The following CYP3A7 variants were observed in gnomAD, a reference collection of about 807,000 sequenced individuals.
CYP3A7 encodes the protein cytochrome P450 family 3 subfamily A member 7, also known as cytochrome P450 3A7.
Under a neutral mutation model 55.2 loss-of-function variants are expected in CYP3A7, and 45 were observed. The observed-to-expected ratio is 0.82, with a 90% CI of 0.64 to 1.05. The LOEUF (loss-of-function observed/expected upper bound fraction) is 1.05. Ranked by LOEUF, CYP3A7 falls within the 50% of genes least tolerant of loss-of-function variation. The pLI is 0.00. For missense variants in CYP3A7, 548 were observed against 605.3 expected (o/e 0.91, Z 0.99); for synonymous variants, 180 against 207.4 (o/e 0.87, Z 1.13).
intron 8 of CYP3A7, 23 bp from the exon 9 acceptor site, chr7:99,713,558 T>C: frequency 1.2e-6 from 2 of 1,613,052 alleles, no homozygotes; most frequent in Non-Finnish European, 1.7e-6. Flanking sequence ...AGAGAAATTT[T>C]ATTGACAGAA....
chr7:99,716,519 T>TA lies in CYP3A7; in HGVS notation c.522-614dup, dbSNP rs577600967. ...ATATAATGACAAATGATGTCCTGGT[T>TA]AAAAAAAACTCTCAAAATTTGATTT... On this transcript the variant is annotated intron_variant, in intron 6 of 12. Coordinates refer to ENST00000336374, the MANE Select transcript of CYP3A7 (RefSeq NM_000765.5). Among the ~76,000 whole-genome samples, 119 of 152,122 alleles carry TA rather than the reference T, an allele frequency of 7.8e-4. 1 individual carries two copies. Among genetic ancestry groups the TA allele is most frequent in the Non-Finnish European group, 1.2e-3 (83 of 67,980 alleles).
intron 9 of CYP3A7, 58 bp from the exon 10 acceptor site, chr7:99,710,950 T>G: frequency 1.9e-6 from 3 of 1,611,982 alleles, no homozygotes; most frequent in Non-Finnish European, 2.5e-6. Context: ...CATCACAGTT[T>G]AGATGAAAAG....
chr7:99,732,770 G>T lies in CYP3A7; in HGVS notation c.72-1618C>A, dbSNP rs1667406430. Among the ~76,000 whole-genome samples the T allele has an allele frequency of 3.3e-5, 5 of 152,290 alleles. No individual in the cohort carries two copies. In the South Asian group the frequency reaches 1.0e-3, roughly 32 times the overall value. ...GGAAAATGTGGTTCAAAAGTACGGTGTGTATAAATGGATCCATATGCCTCA... is the reference window on the plus strand; with the variant it reads ...GGAAAATGTGGTTCAAAAGTACGGTTTGTATAAATGGATCCATATGCCTCA... On this transcript the variant is annotated intron_variant, in intron 1 of 12. Coordinates refer to ENST00000336374, the MANE Select transcript of CYP3A7 (RefSeq NM_000765.5).
intron 2 of CYP3A7, among the ~76,000 whole-genome samples, chr7:99,724,912 C>A (rs113723247): frequency 8.5e-5 from 13 of 152,168 alleles, no homozygotes; most frequent in African/African-American, 2.9e-4. Flanking sequence ...TGACCTCCCC[C>A]CTCTCCCCAG....
At chr7:99,721,399 T>A (rs530539498) in intron 3 of CYP3A7, among the ~76,000 whole-genome samples, 1 of 152,174 alleles carries the variant, frequency 6.6e-6, no homozygotes. Flanking sequence ...AAAGTTGAAA[T>A]GAAAGAGTTT....
chr7:99,726,149 A>G (rs1814403056), intron 2 of CYP3A7, among the ~76,000 whole-genome samples: 1 of 151,428 alleles, frequency 6.6e-6, no homozygotes, highest in South Asian at 2.1e-4. Flanking sequence ...GTATCCCCCC[A>G]CCTTAACCCA....
At chr7:99,730,978 G>A (rs774965723) in intron 2 of CYP3A7, 81 bp downstream of exon 2, 24 of 1,555,220 alleles carry the variant, frequency 1.5e-5, no homozygotes, top group Non-Finnish European at 1.9e-5. Flanking sequence ...CCTTCCTCTT[G>A]AGGAGAAGCA....
intron 11 of CYP3A7, among the ~76,000 whole-genome samples, chr7:99,708,564 A>C (rs1014626636): frequency 6.6e-6 from 1 of 152,062 alleles, no homozygotes. Context: ...TAATTTACAC[A>C]GGCATATGAT....
Position 99,710,862 on chromosome 7 carries a change from G to T in CYP3A7, c.896C>A (p.Ser299Ter). The change falls in exon 10 of 13, where the codon TCA (serine) becomes TAA (stop). Residue 299 changes from serine to a stop codon, truncating the protein, a stop_gained. Coordinates refer to ENST00000336374, the MANE Select transcript of CYP3A7 (RefSeq NM_000765.5). LOFTEE classifies it high-confidence loss of function. ...ALSDLELMAQ[S>*]IIFIFAGYET... Reference sequence around the variant, plus strand: ...ATAGCCAGCAAAAATAAAGATAATTGATTGGGCCATGAGCTCCAGATCAGA... The same window carrying T: ...ATAGCCAGCAAAAATAAAGATAATTTATTGGGCCATGAGCTCCAGATCAGA... 6.2e-7 allele frequency: 1 copy of T among 1,613,778 alleles called. No individual in the cohort carries two copies. Among genetic ancestry groups the T allele is most frequent in the Non-Finnish European group, 8.5e-7 (1 of 1,179,800 alleles).
At chr7:99,730,588 T>C (rs1814572994) in intron 2 of CYP3A7, 1 of 162,960 alleles carries the variant, frequency 6.1e-6, no homozygotes, top group Non-Finnish European at 1.4e-5. Flanking sequence ...ATCTCCCTAA[T>C]AAACTGAGTT....
At chr7:99,734,959 G>A (rs1752340655) in intron 1 of CYP3A7, 64 bp downstream of exon 1, 1 of 1,610,068 alleles carries the variant, frequency 6.2e-7, no homozygotes, top group East Asian at 2.2e-5. Flanking sequence ...ATAAGGGAAA[G>A]AGAGGCCTGA....
chr7:99,732,522 G>A (rs946390698), intron 1 of CYP3A7, among the ~76,000 whole-genome samples: 1 of 152,008 alleles, frequency 6.6e-6, no homozygotes, highest in Non-Finnish European at 1.5e-5. Context: ...AACCCATCAA[G>A]GCTGCTGCTC....
chr7:99,724,285 C>A (rs1584519740), intron 2 of CYP3A7, among the ~76,000 whole-genome samples: 1 of 152,216 alleles, frequency 6.6e-6, no homozygotes, highest in East Asian at 1.9e-4. Flanking sequence ...GGCCTCAATA[C>A]AAACTGGACA....
chr7:99,705,477 C>T lies in CYP3A7; in HGVS notation c.*23G>A. Reference sequence around the variant, plus strand: ...TCTGGGGCACAGCTTTCTTAAAGAGCAAACCAGAAGTCCTTAGGGAAATCA... The same window carrying T: ...TCTGGGGCACAGCTTTCTTAAAGAGTAAACCAGAAGTCCTTAGGGAAATCA... On this transcript the variant is annotated 3_prime_UTR_variant, in exon 13 of 13. Transcript: ENST00000336374. The T allele has an allele frequency of 6.2e-7, 1 of 1,611,974 alleles. No homozygotes were observed. Among genetic ancestry groups the T allele is most frequent in the East Asian group, 2.2e-5 (1 of 44,766 alleles).
In CYP3A7 at chr7:99,717,585, C is replaced by A. The variant is rs757427192; in HGVS notation, c.373G>T (p.Glu125Ter). ...AGCAATGATCGTATTCTCTTCCATTCTTCATCCTCAGCTATAGAGATGGCA... is the reference window on the plus strand; with the variant it reads ...AGCAATGATCGTATTCTCTTCCATTATTCATCCTCAGCTATAGAGATGGCA... ...KNAISIAEDE[E>*]WKRIRSLLSP... Residue 125 changes from glutamate to a stop codon, truncating the protein, a stop_gained, in exon 5 of 13, where the codon GAA (glutamate) becomes TAA (stop). Transcript: ENST00000336374. LOFTEE classifies it high-confidence loss of function. 1 of 1,613,724 alleles carries A rather than the reference C, an allele frequency of 6.2e-7. No individual in the cohort carries two copies. Among genetic ancestry groups the A allele is most frequent in the Non-Finnish European group, 8.5e-7 (1 of 1,179,798 alleles).
In CYP3A7 at chr7:99,710,783, A is replaced by G. The variant is rs949527504; in HGVS notation, c.975T>C (p.Pro325=). The G allele has an allele frequency of 2.5e-6, 4 of 1,613,816 alleles. No homozygotes were observed. The African/African-American group carries it at 5.3e-5, about 22-fold the overall frequency. ...SFIIYELATH[P]DVQQKVQKEI... is the part of the protein sequence containing the mutation. ...CCTTCTGCACTTTCTGCTGGACATCAGGGTGAGTGGCCAGTTCATATATAA... is the reference window on the plus strand; with the variant it reads ...CCTTCTGCACTTTCTGCTGGACATCGGGGTGAGTGGCCAGTTCATATATAA... The change falls in exon 10 of 13, where the codon CCT becomes CCC. Residue 325 remains proline, a synonymous_variant. Transcript: ENST00000336374.
chr7:99,710,735 A>G lies in CYP3A7; in HGVS notation c.1023T>C (p.Asn341=). The change falls in exon 10 of 13, where the codon AAT becomes AAC. Residue 341 remains asparagine, a synonymous_variant. Transcript: ENST00000336374. The part of the protein sequence containing the change: ...VQKEIDTVLP[N]KAPPTYDTVL... ...TCTCCATGTACTGTCCACTCACCTTATTGGGTAAAACTGTATCAATTTCCT... is the reference window on the plus strand; with the variant it reads ...TCTCCATGTACTGTCCACTCACCTTGTTGGGTAAAACTGTATCAATTTCCT... 1 of 1,613,730 alleles carries G rather than the reference A, an allele frequency of 6.2e-7. No individual in the cohort carries two copies. The highest frequency in any genetic ancestry group is 8.5e-7 in the Non-Finnish European group (1 of 1,179,804).
chr7:99,708,722 T>A (rs573779294), intron 11 of CYP3A7, among the ~76,000 whole-genome samples: 1 of 152,268 alleles, frequency 6.6e-6, no homozygotes, highest in East Asian at 1.9e-4. Context: ...AAATATTCAT[T>A]TGTGGGACAT....
At chr7:99,717,461 T>C in intron 5 of CYP3A7, 65 bp downstream of exon 5, 1 of 1,602,294 alleles carries the variant, frequency 6.2e-7, no homozygotes, top group Non-Finnish European at 8.5e-7. Context: ...CTGATCTTAC[T>C]TTCTACCTGT....
Sources: gnomAD v4.1 joint callset for allele counts (sites outside exome capture counted in the v4.1 genomes callset) on GRCh38, gnomAD v4.1.1 for gene constraint, MANE v1.5 for transcripts, NCBI Gene and HGNC (gene_info 2026-07-23, HGNC 2026-07-21) for gene names.